Variants in ATP9B observed in about 807,000 individuals in gnomAD.
The protein encoded by ATP9B is ATPase phospholipid transporting 9B.
A neutral mutation model predicts 146.1 loss-of-function variants in ATP9B; 110 were observed. The observed-to-expected ratio is 0.75, with a 90% CI of 0.65 to 0.88. The LOEUF is 0.88. Among genes scored for constraint, ATP9B ranks in the 40% least tolerant of loss-of-function variants. ATP9B has a pLI of 0.00. For missense variants in ATP9B, 1,499 were observed against 1,496.4 expected, an observed-to-expected ratio of 1.00 and a Z score of -0.03; for synonymous variants, 604 against 569.7, an observed-to-expected ratio of 1.06 and a Z score of -0.86.
chr18:79,080,693 T>C (rs1446018383), intron 1 of ATP9B, among the ~76,000 whole-genome samples: 1 of 152,232 alleles, frequency 6.6e-6, no homozygotes, highest in Admixed American at 6.5e-5. Context: ...ATCCTTGTCT[T>C]GTGCTGGTTT....
In ATP9B at chr18:79,307,148, G is replaced by A. The variant is rs199507159; in HGVS notation, c.1687G>A (p.Gly563Ser). 1.7e-5 allele frequency: 27 copies of A among 1,614,162 alleles called. No homozygotes were observed. The highest frequency in any genetic ancestry group is 1.5e-4 in the African/African-American group (11 of 75,028). ...NVTPVYESRAGVTEETEFAEA... is the reference protein window; with the variant it reads ...NVTPVYESRASVTEETEFAEA... ...GACCCCCGTGTATGAGTCTCGGGCC[G>A]GCGTTACTGAGGAGACTGAGTTCGC... Residue 563 changes from glycine (G) to serine (S), a missense_variant, in exon 15 of 30, where the codon GGC (glycine) becomes AGC (serine). Coordinates refer to ENST00000426216, the MANE Select transcript of ATP9B (RefSeq NM_198531.5).
At chr18:79,243,966 G>A (rs1401437942) in intron 11 of ATP9B, among the ~76,000 whole-genome samples, 1 of 152,118 alleles carries the variant, frequency 6.6e-6, no homozygotes, top group Non-Finnish European at 1.5e-5. Context: ...TCACTTTACT[G>A]TAGAAACTAA....
At chr18:79,249,689 T>TG (rs1416510610) in intron 11 of ATP9B, among the ~76,000 whole-genome samples, 2 of 151,914 alleles carry the variant, frequency 1.3e-5, no homozygotes, top group African/African-American at 4.9e-5. Flanking sequence ...GTTTTTATTT[T>TG]AAATAGTTTA....
At chr18:79,155,154 A>G (rs1192816219) in intron 7 of ATP9B, among the ~76,000 whole-genome samples, 2 of 152,220 alleles carry the variant, frequency 1.3e-5, no homozygotes, top group Non-Finnish European at 2.9e-5. Context: ...CTTAAGATAC[A>G]AAAGGGAGCA....
At chr18:79,200,483 C>G (rs2095458706) in intron 9 of ATP9B, among the ~76,000 whole-genome samples, 1 of 152,122 alleles carries the variant, frequency 6.6e-6, no homozygotes, top group African/African-American at 2.4e-5. Flanking sequence ...TTGATAGATA[C>G]AGGGACTTAA....
intron 2 of ATP9B, among the ~76,000 whole-genome samples, chr18:79,108,368 G>A (rs542457230): frequency 6.6e-6 from 1 of 152,172 alleles, no homozygotes; most frequent in South Asian, 2.1e-4. Context: ...AAATCTACTT[G>A]ACCATTTCCT....
At chr18:79,094,876 C>T (rs1441619669) in intron 1 of ATP9B, among the ~76,000 whole-genome samples, 1 of 152,130 alleles carries the variant, frequency 6.6e-6, no homozygotes. Context: ...AGGTTGTGAT[C>T]AGAAATATGA....
chr18:79,217,476 G>A (rs1004620062), intron 11 of ATP9B, among the ~76,000 whole-genome samples: 2 of 152,222 alleles, frequency 1.3e-5, no homozygotes, highest in Non-Finnish European at 2.9e-5. Context: ...GAGCCACTGC[G>A]CCCCGCCAGA....
chr18:79,130,558 A>T (rs1464376032), intron 5 of ATP9B, among the ~76,000 whole-genome samples: 1 of 152,122 alleles, frequency 6.6e-6, no homozygotes, highest in Non-Finnish European at 1.5e-5. Flanking sequence ...ATGGCCAAAA[A>T]CTTTCTAAAT....
intron 11 of ATP9B, among the ~76,000 whole-genome samples, chr18:79,223,886 C>T (rs911194407): frequency 1.3e-5 from 2 of 152,152 alleles, no homozygotes; most frequent in African/African-American, 2.4e-5. Flanking sequence ...TAGCAAATAT[C>T]TAAACTAGAA....
At chr18:79,234,030 C>T (rs1368012782) in intron 11 of ATP9B, among the ~76,000 whole-genome samples, 1 of 152,162 alleles carries the variant, frequency 6.6e-6, no homozygotes, top group African/African-American at 2.4e-5. Context: ...CTTGCTCCCT[C>T]CTTGGACTCT....
chr18:79,193,962 A>C (rs1483546664), intron 9 of ATP9B, among the ~76,000 whole-genome samples: 1 of 152,208 alleles, frequency 6.6e-6, no homozygotes, highest in Non-Finnish European at 1.5e-5. Context: ...TACAGAGCTT[A>C]TATAATGTGA....
chr18:79,082,138 C>T (rs372631876), intron 1 of ATP9B, among the ~76,000 whole-genome samples: 11 of 152,270 alleles, frequency 7.2e-5, no homozygotes, highest in East Asian at 1.9e-4. Context: ...CTTGTCTTCA[C>T]GCTTTATTTC....
chr18:79,261,084 A>G lies in ATP9B; in HGVS notation c.1268+7543A>G, dbSNP rs184586273. Among the ~76,000 whole-genome samples, 418 of 152,258 alleles carry G rather than the reference A, an allele frequency of 2.7e-3. 1 individual carries two copies. Among genetic ancestry groups the G allele is most frequent in the African/African-American group, 9.6e-3 (399 of 41,546 alleles). The stretch of plus-strand genomic sequence containing the variant: ...GTGCCAAATTTAGATGGTTTAGATG[A>G]TGAGATCTGGGGCCTTTGAGCAGAT... On this transcript the variant is annotated intron_variant, in intron 12 of 29. Coordinates refer to ENST00000426216, the MANE Select transcript of ATP9B (RefSeq NM_198531.5).
chr18:79,360,580 A>G (rs1191574124), intron 26 of ATP9B: 1 of 152,140 alleles, frequency 6.6e-6, no homozygotes, highest in Non-Finnish European at 1.5e-5. Context: ...GACAAACTAG[A>G]CTCTAGTCCA....
chr18:79,160,939 T>G (rs1355028517), intron 7 of ATP9B, among the ~76,000 whole-genome samples: 3 of 152,108 alleles, frequency 2.0e-5, no homozygotes, highest in African/African-American at 7.2e-5. Flanking sequence ...CTGGCTGATT[T>G]TTGTATTTTT....
chr18:79,147,293 A>G (rs2094607249), intron 6 of ATP9B, among the ~76,000 whole-genome samples: 1 of 152,252 alleles, frequency 6.6e-6, no homozygotes, highest in African/African-American at 2.4e-5. Flanking sequence ...GGATAAAAGT[A>G]GGGGATAGAC....
intron 8 of ATP9B, among the ~76,000 whole-genome samples, chr18:79,187,019 G>A (rs2095314185): frequency 6.6e-6 from 1 of 152,224 alleles, no homozygotes; most frequent in Non-Finnish European, 1.5e-5. Flanking sequence ...TTGGGTGGGA[G>A]TGCACTATGT....
rs1323524649 is a variant in ATP9B at position 79,214,054 on chromosome 18, G to T, written c.1107+16G>T. 1.9e-6 allele frequency: 3 copies of T among 1,561,546 alleles called. No individual in the cohort carries two copies. Among genetic ancestry groups the T allele is most frequent in the Non-Finnish European group, 2.6e-6 (3 of 1,152,574 alleles). On this transcript the variant is annotated intron_variant, in intron 11 of 29. Transcript: ENST00000426216. ...AAAAAATAAGGTAGGCTAGATTGAG[G>T]AGCAACTGCTTTAATGAACTTATTT...
Sources: allele counts gnomAD v4.1 joint callset (sites outside exome capture counted in the v4.1 genomes callset), GRCh38; gene constraint gnomAD v4.1.1; transcripts MANE v1.5; gene names NCBI Gene and HGNC (gene_info 2026-07-23, HGNC 2026-07-21).